The following CAMSAP1 variants were observed in gnomAD, a reference collection of about 807,000 sequenced individuals.
CAMSAP1 encodes the protein calmodulin-regulated spectrin-associated protein 1.
CAMSAP1 carries 58 observed loss-of-function variants against 143.5 expected under a neutral mutation model. That is an observed-to-expected ratio of 0.40 (90% CI 0.33 to 0.50). The LOEUF (loss-of-function observed/expected upper bound fraction) is 0.50. Among genes scored for constraint, CAMSAP1 ranks in the 20% least tolerant of loss-of-function variants. The pLI is 0.45. For missense variants in CAMSAP1, 1,969 were observed against 2,115.7 expected (o/e 0.93, Z 1.36); for synonymous variants, 945 against 859.3 (o/e 1.10, Z -1.74).
chr9:135,837,321 T>C (rs1417062051), intron 7 of CAMSAP1, among the ~76,000 whole-genome samples: 1 of 151,566 alleles, frequency 6.6e-6, no homozygotes, highest in African/African-American at 2.4e-5. Flanking sequence ...TCACGCACTT[T>C]CTACCAGTTC....
rs1164985644 is a variant in CAMSAP1 at position 135,824,691 on chromosome 9, CACT to C, written c.1315+95_1315+97del. 8 of 933,010 alleles carry C rather than the reference CACT, an allele frequency of 8.6e-6. No homozygotes were observed. Among genetic ancestry groups the C allele is most frequent in the South Asian group, 3.7e-5 (2 of 54,508 alleles). The allele number at this position is 933,010 out of a possible 1,614,324, so 57.8% of individuals were successfully genotyped here. A position where few individuals can be genotyped will look rare whatever the true frequency, so the allele number is the denominator to read the frequency against. ...AAAACAAACAAACAAACAAAAAAAT[CACT>C]ACATCAGATAAAATGATTTAATTTT... On this transcript the variant is annotated intron_variant, in intron 9 of 16. Coordinates refer to ENST00000389532, the MANE Select transcript of CAMSAP1 (RefSeq NM_015447.4). This position sits in a 1 kb window ranked among gnomAD's most constrained non-coding sequence, Gnocchi z 4.1.
At chr9:135,867,860 G>A (rs1057145319) in intron 3 of CAMSAP1, among the ~76,000 whole-genome samples, 6 of 152,350 alleles carry the variant, frequency 3.9e-5, no homozygotes, top group Admixed American at 2.6e-4. Flanking sequence ...CCCAGTGCTG[G>A]AGAAGAGATG....
Position 135,820,851 on chromosome 9 carries a change from G to A in CAMSAP1, c.3810C>T (p.Gly1270=), listed in dbSNP as rs1426407765. ...ACCAATCCCTTACCTTGAAGAAGAAGCCGACCCCCGGCTTCTGGTCGCCTT... is the reference window on the plus strand; with the variant it reads ...ACCAATCCCTTACCTTGAAGAAGAAACCGACCCCCGGCTTCTGGTCGCCTT... ...VSEGDQKPGV[G]FFFKDEQKAE... Residue 1270 remains glycine (G), a synonymous_variant, in exon 11 of 17, where the codon GGC becomes GGT. Coordinates refer to ENST00000389532, the MANE Select transcript of CAMSAP1 (RefSeq NM_015447.4). The surrounding 1 kb of genome is among the most constrained non-coding windows in gnomAD (Gnocchi z 4.4). The A allele has an allele frequency of 6.2e-7, 1 of 1,612,862 alleles. No homozygotes were observed. The highest frequency in any genetic ancestry group is 8.5e-7 in the Non-Finnish European group (1 of 1,179,844).
At chr9:135,877,509 A>G (rs1032689309) in intron 3 of CAMSAP1, among the ~76,000 whole-genome samples, 6 of 151,940 alleles carry the variant, frequency 3.9e-5, no homozygotes, top group Non-Finnish European at 7.4e-5. Flanking sequence ...AAAAAAAAAA[A>G]AAAAGAAAAA....
intron 3 of CAMSAP1, 119 bp from the exon 4 acceptor site, chr9:135,866,655 T>C: frequency 1.6e-6 from 1 of 631,022 alleles, no homozygotes. Context: ...TAGACATAGG[T>C]ATTGTTTAGG....
intron 7 of CAMSAP1, among the ~76,000 whole-genome samples, chr9:135,844,231 C>T (rs1011394437): frequency 2.0e-5 from 3 of 152,220 alleles, no homozygotes; most frequent in Admixed American, 6.5e-5. Flanking sequence ...TGCCAAAGAA[C>T]GGAAATCATA....
chr9:135,810,253 C>A lies in CAMSAP1; in HGVS notation c.*1056G>T, dbSNP rs1834998140. Reference sequence around the variant, plus strand: ...CACTTAATTGTTTTTAAATAGGCAACAAAACAAAAGTATCCATCTACAGGG... The same window carrying A: ...CACTTAATTGTTTTTAAATAGGCAAAAAAACAAAAGTATCCATCTACAGGG... On this transcript the variant is annotated 3_prime_UTR_variant, in exon 17 of 17. Transcript: ENST00000389532. The A allele has an allele frequency of 6.6e-6, 1 of 152,172 alleles. No homozygotes were observed. Among genetic ancestry groups the A allele is most frequent in the Admixed American group, 6.6e-5 (1 of 15,266 alleles). 9.4% of individuals were successfully genotyped at this position (152,172 alleles called of 1,614,324 possible).
intron 5 of CAMSAP1, among the ~76,000 whole-genome samples, chr9:135,860,764 G>C (rs966200759): frequency 6.6e-6 from 1 of 151,986 alleles, no homozygotes; most frequent in African/African-American, 2.4e-5. Context: ...CCATGTCTTG[G>C]TGCCAAATCA....
chr9:135,861,265 A>G (rs1837179610), intron 5 of CAMSAP1, among the ~76,000 whole-genome samples: 1 of 151,594 alleles, frequency 6.6e-6, no homozygotes, highest in Non-Finnish European at 1.5e-5. Context: ...TTTTCACTCA[A>G]TGACAGAGAC....
chr9:135,886,605 T>C (rs1838130779), intron 1 of CAMSAP1, among the ~76,000 whole-genome samples: 1 of 152,228 alleles, frequency 6.6e-6, no homozygotes, highest in East Asian at 1.9e-4. Context: ...CTGCGGGATC[T>C]GTCAGCAGAG....
chr9:135,873,945 G>A (rs7031250), intron 3 of CAMSAP1, among the ~76,000 whole-genome samples: 52,791 of 151,876 alleles, frequency 0.35, 10,767 homozygotes, highest in African/African-American at 0.57. Context: ...AGTATCTGCC[G>A]AGAGCATTGA....
At chr9:135,825,958 G>A (rs1835657141) in intron 8 of CAMSAP1, among the ~76,000 whole-genome samples, 1 of 152,172 alleles carries the variant, frequency 6.6e-6, no homozygotes. Flanking sequence ...GGGGAAGCTG[G>A]GCAGAGCAGG....
In CAMSAP1 at chr9:135,822,385, A is replaced by G. The variant is rs1024501298; in HGVS notation, c.2276T>C (p.Val759Ala). The G allele has an allele frequency of 6.2e-7, 1 of 1,613,944 alleles. No homozygotes were observed. The highest frequency in any genetic ancestry group is 8.5e-7 in the Non-Finnish European group (1 of 1,179,896). The change falls in exon 11 of 17, where the codon GTG becomes GCG. Residue 759 changes from valine (V) to alanine (A), a missense_variant. This residue lies in a region of CAMSAP1 where 1,390 missense variants were observed against 1,420.8 expected (regional missense o/e 0.98). Transcript: ENST00000389532. This position sits in a 1 kb window ranked among gnomAD's most constrained non-coding sequence, Gnocchi z 6.1. The stretch of plus-strand genomic sequence containing the variant: ...CTCCCCAATGTATCTGCTGAAAACC[A>G]CAGGATGGGCCTCACCCATGAAATC... ...EHDFMGEAHP[V>A]VFSRYIGEEE...
At chr9:135,813,669 G>A (rs1387074846) in intron 16 of CAMSAP1, among the ~76,000 whole-genome samples, 2 of 152,206 alleles carry the variant, frequency 1.3e-5, no homozygotes, top group Non-Finnish European at 2.9e-5. Flanking sequence ...CCCTTGGTGG[G>A]CACCTGGGAA....
intron 1 of CAMSAP1, among the ~76,000 whole-genome samples, chr9:135,886,007 CTGG>C (rs1838109259): frequency 6.6e-6 from 1 of 151,810 alleles, no homozygotes; most frequent in Admixed American, 6.6e-5. Flanking sequence ...ACTGCGAGAG[CTGG>C]ATGTGCACAG....
At chr9:135,833,626 T>C (rs1443588068) in intron 7 of CAMSAP1, among the ~76,000 whole-genome samples, 2 of 152,240 alleles carry the variant, frequency 1.3e-5, no homozygotes, top group Admixed American at 1.3e-4. Context: ...AGAATGAAAC[T>C]GGACCCTTAT....
chr9:135,860,723 C>CTTT (rs1554795302), intron 5 of CAMSAP1, among the ~76,000 whole-genome samples: 1 of 151,650 alleles, frequency 6.6e-6, no homozygotes, highest in Non-Finnish European at 1.5e-5. Flanking sequence ...TTTTTAATGT[C>CTTT]CATCATTTTA....
At chr9:135,836,654 T>C (rs1445052646) in intron 7 of CAMSAP1, 8 of 974,802 alleles carry the variant, frequency 8.2e-6, no homozygotes, top group African/African-American at 1.9e-5. Flanking sequence ...CATCACGCAC[T>C]TTCTACCCCG....
chr9:135,852,301 CATTTT>C (rs1488212484), intron 5 of CAMSAP1, among the ~76,000 whole-genome samples: 4 of 152,186 alleles, frequency 2.6e-5, no homozygotes, highest in Non-Finnish European at 5.9e-5. Flanking sequence ...TTTATCATTT[CATTTT>C]GTTTATGATG....
Sources: allele counts gnomAD v4.1 joint callset (sites outside exome capture counted in the v4.1 genomes callset), GRCh38; gene constraint gnomAD v4.1.1; regional missense constraint gnomAD v4.1.1; non-coding constraint Gnocchi (gnomAD v3.1); transcripts MANE v1.5; gene names NCBI Gene and HGNC (gene_info 2026-07-23, HGNC 2026-07-21).